ACACA: variants seen among roughly 807,000 people sequenced by gnomAD.
ACACA encodes acetyl-CoA carboxylase 1.
A neutral mutation model predicts 296.1 loss-of-function variants in ACACA; 103 were observed. That is an observed-to-expected ratio of 0.35 (90% CI 0.30 to 0.41). ACACA has a LOEUF of 0.41. Among genes scored for constraint, ACACA ranks in the 10% least tolerant of loss-of-function variants. The pLI, the probability that ACACA is intolerant of heterozygous loss-of-function variation, is 1.00. For missense variants in ACACA, 1,554 were observed against 2,989.7 expected (o/e 0.52, Z 11.20); for synonymous variants, 953 against 1,038.6 (o/e 0.92, Z 1.58).
chr17:37,119,078 T>C (rs1201064272), intron 50 of ACACA, among the ~76,000 whole-genome samples: 2 of 152,166 alleles, frequency 1.3e-5, no homozygotes, highest in Non-Finnish European at 2.9e-5. Flanking sequence ...AGTAATAGCA[T>C]AGCATTCTCT....
chr17:37,365,855 C>G, intron 1 of ACACA: 3 of 435,750 alleles, frequency 6.9e-6, no homozygotes, highest in Non-Finnish European at 9.2e-6. Flanking sequence ...CATTTCTGCT[C>G]TCACTCCTTC....
At chr17:37,214,939 T>C (rs1378885001) in intron 29 of ACACA, among the ~76,000 whole-genome samples, 1 of 152,192 alleles carries the variant, frequency 6.6e-6, no homozygotes, top group Non-Finnish European at 1.5e-5. Flanking sequence ...GTGTTAAAGA[T>C]TATCAGAATT....
chr17:37,326,413 C>G (rs1598496043), intron 3 of ACACA, among the ~76,000 whole-genome samples: 1 of 148,766 alleles, frequency 6.7e-6, no homozygotes, highest in East Asian at 2.0e-4. Flanking sequence ...TGCCTGTAAT[C>G]CCAGCTACTC....
chr17:37,406,617 C>T lies in ACACA; in HGVS notation c.-318G>A, dbSNP rs1264235371. ...CGCACTCCGGAGGGGACCAAACAGC[C>T]CCACGCGCCAGGAAGCCTCAGGCAA... On this transcript the variant is annotated 5_prime_UTR_variant, in exon 1 of 56. Transcript: ENST00000616317. 5 of 535,024 alleles carry T rather than the reference C, an allele frequency of 9.3e-6. No homozygotes were observed. The African/African-American group carries it at 9.5e-5, about 10-fold the overall frequency. The allele number at this position is 535,024 out of a possible 1,614,324, so 33.1% of individuals were successfully genotyped here.
At chr17:37,280,816 C>T (rs554923611) in intron 5 of ACACA, among the ~76,000 whole-genome samples, 1 of 152,136 alleles carries the variant, frequency 6.6e-6, no homozygotes, top group East Asian at 1.9e-4. Context: ...AACACACACA[C>T]ATACTCTCCT....
At chr17:37,335,208 G>C (rs565311974) in intron 2 of ACACA, among the ~76,000 whole-genome samples, 20 of 152,072 alleles carry the variant, frequency 1.3e-4, no homozygotes, top group African/African-American at 4.6e-4. Context: ...ATGAGGTCTC[G>C]GCCCAAAACC....
chr17:37,401,458 A>G (rs2051287662), intron 1 of ACACA, among the ~76,000 whole-genome samples: 1 of 151,126 alleles, frequency 6.6e-6, no homozygotes, highest in Non-Finnish European at 1.5e-5. Flanking sequence ...CTCCCATGCT[A>G]CTTGCATGTC....
intron 45 of ACACA, chr17:37,141,182 T>C: frequency 1.8e-6 from 1 of 541,468 alleles, no homozygotes; most frequent in East Asian, 4.7e-5. Flanking sequence ...TTGAGAGAGG[T>C]CCCCACGAAA....
intron 24 of ACACA, among the ~76,000 whole-genome samples, chr17:37,238,286 CTT>C (rs917331380): frequency 3.9e-5 from 5 of 128,468 alleles, no homozygotes; most frequent in Non-Finnish European, 6.7e-5. Flanking sequence ...TTTCTTTCCT[CTT>C]TTTTTTTTTT....
chr17:37,146,042 T>A (rs1182767619), intron 45 of ACACA, among the ~76,000 whole-genome samples: 16 of 151,970 alleles, frequency 1.1e-4, no homozygotes, highest in Admixed American at 1.0e-3. Flanking sequence ...ATGGCGTCCA[T>A]GAATAAAACA....
intron 1 of ACACA, among the ~76,000 whole-genome samples, chr17:37,397,058 C>T (rs953529929): frequency 6.6e-6 from 1 of 151,030 alleles, no homozygotes; most frequent in African/African-American, 2.4e-5. Flanking sequence ...CCACGACAGG[C>T]GCTGATGTGT....
chr17:37,326,555 G>A (rs1006778726), intron 3 of ACACA, among the ~76,000 whole-genome samples: 2 of 151,644 alleles, frequency 1.3e-5, no homozygotes, highest in Non-Finnish European at 2.9e-5. Flanking sequence ...AAAAGGCTGG[G>A]CATGCTGGCT....
chr17:37,391,941 C>G, intron 1 of ACACA: 1 of 561,764 alleles, frequency 1.8e-6, no homozygotes, highest in Non-Finnish European at 3.2e-6. Context: ...ATACATCCAT[C>G]TAAATGGATA....
intron 1 of ACACA, among the ~76,000 whole-genome samples, chr17:37,381,756 T>C (rs569318373): frequency 2.0e-5 from 3 of 151,178 alleles, no homozygotes; most frequent in East Asian, 3.9e-4. Context: ...GCCTCCCGAG[T>C]AGCTGGGACT....
At chr17:37,374,098 C>G (rs978803951) in intron 1 of ACACA, among the ~76,000 whole-genome samples, 4 of 152,220 alleles carry the variant, frequency 2.6e-5, no homozygotes, top group African/African-American at 7.2e-5. Context: ...GTGGCTCACA[C>G]CTGTAACCCC....
chr17:37,142,720 T>C (rs1337093459), intron 45 of ACACA, among the ~76,000 whole-genome samples: 3 of 152,340 alleles, frequency 2.0e-5, no homozygotes, highest in Admixed American at 6.5e-5. Context: ...TGTAGACAGA[T>C]GACTGACATA....
intron 18 of ACACA, among the ~76,000 whole-genome samples, chr17:37,247,436 C>T (rs1275114352): frequency 1.3e-5 from 2 of 150,642 alleles, no homozygotes; most frequent in Non-Finnish European, 2.9e-5. Flanking sequence ...GGCGTGATCT[C>T]GGCTCACCGC....
At chr17:37,256,513 A>G (rs2081235207) in intron 14 of ACACA, among the ~76,000 whole-genome samples, 2 of 152,228 alleles carry the variant, frequency 1.3e-5, no homozygotes, top group Non-Finnish European at 2.9e-5. Flanking sequence ...TTGTGGGGCC[A>G]TTAGAGCCCA....
intron 44 of ACACA, 113 bp downstream of exon 44, chr17:37,151,188 T>C (rs2076024560): frequency 3.3e-6 from 4 of 1,216,574 alleles, no homozygotes; most frequent in Non-Finnish European, 4.7e-6. Flanking sequence ...ATTATAGACA[T>C]ACAATCTTCA....
Sources: allele counts gnomAD v4.1 joint callset (sites outside exome capture counted in the v4.1 genomes callset), GRCh38; gene constraint gnomAD v4.1.1; transcripts MANE v1.5; gene names NCBI Gene and HGNC (gene_info 2026-07-23, HGNC 2026-07-21).